The following CEP250 variants were observed in gnomAD, a reference collection of about 807,000 sequenced individuals.
The protein encoded by CEP250 is centrosome-associated protein CEP250.
A neutral mutation model predicts 315.7 loss-of-function variants in CEP250; 242 were observed. The ratio of observed to expected loss-of-function variants is 0.77; its 90% CI spans 0.69 to 0.85. The LOEUF is 0.85. Ranked by LOEUF, CEP250 falls within the 40% of genes least tolerant of loss-of-function variation. The pLI is 0.00. For missense variants in CEP250, 2,515 were observed against 2,886.4 expected, an observed-to-expected ratio of 0.87 and a Z score of 2.95; for synonymous variants, 1,088 against 1,175.0, an observed-to-expected ratio of 0.93 and a Z score of 1.51.
Position 35,477,979 on chromosome 20 carries a change from T to C in CEP250, c.1972T>C (p.Trp658Arg). The C allele has an allele frequency of 6.2e-7, 1 of 1,613,656 alleles. No homozygotes were observed. Among genetic ancestry groups the C allele is most frequent in the Non-Finnish European group, 8.5e-7 (1 of 1,179,880 alleles). The change falls in exon 17 of 35, where the codon TGG (tryptophan) becomes CGG (arginine). Residue 658 changes from tryptophan to arginine, a missense_variant. Coordinates refer to ENST00000397527, the MANE Select transcript of CEP250 (RefSeq NM_007186.6). Reference protein sequence around the residue: ...AEAEKRREALWEKNTHLEAQL... With the variant: ...AEAEKRREALREKNTHLEAQL... Reference sequence around the variant, plus strand: ...GGCAGAGAAGAGGAGGGAAGCCCTGTGGGAAAAGAACACTCACCTGGAGGC... The same window carrying C: ...GGCAGAGAAGAGGAGGGAAGCCCTGCGGGAAAAGAACACTCACCTGGAGGC...
chr20:35,490,717 G>T lies in CEP250; in HGVS notation c.2667G>T (p.Met889Ile), dbSNP rs1187420856. The T allele has an allele frequency of 6.2e-7, 1 of 1,613,916 alleles. No homozygotes were observed. The highest frequency in any genetic ancestry group is 8.5e-7 in the Non-Finnish European group (1 of 1,180,004). ...SLEREKMELE[M>I]RLKEQQTEME... Reference sequence around the variant, plus strand: ...AAAGGGAAAAAATGGAGCTGGAAATGAGGCTAAAGGAGCAGCAGACAGAAA... The same window carrying T: ...AAAGGGAAAAAATGGAGCTGGAAATTAGGCTAAAGGAGCAGCAGACAGAAA... Residue 889 changes from methionine (M) to isoleucine (I), a missense_variant, in exon 21 of 35, where the codon ATG becomes ATT. By Grantham distance (10) the Met-to-Ile change is conservative. Coordinates refer to ENST00000397527, the MANE Select transcript of CEP250 (RefSeq NM_007186.6).
intron 9 of CEP250, among the ~76,000 whole-genome samples, chr20:35,468,872 TCA>T (rs2062956611): frequency 6.6e-6 from 1 of 151,322 alleles, no homozygotes; most frequent in Non-Finnish European, 1.5e-5. Context: ...AGACGGGGTC[TCA>T]CTATGTTTCC....
intron 20 of CEP250, among the ~76,000 whole-genome samples, chr20:35,487,993 G>A (rs1361417886): frequency 1.3e-5 from 2 of 152,148 alleles, no homozygotes; most frequent in Non-Finnish European, 2.9e-5. Flanking sequence ...CCTATTACCA[G>A]GAACAAATGA....
At position 35,504,750 on chromosome 20, in the gene CEP250, C is replaced by T. The variant is rs2064134763; in HGVS notation, c.6381C>T (p.His2127=). The T allele has an allele frequency of 5.6e-6, 9 of 1,614,224 alleles. No individual in the cohort carries two copies. Among genetic ancestry groups the T allele is most frequent in the Non-Finnish European group, 7.6e-6 (9 of 1,180,046 alleles). The change falls in exon 30 of 35, where the codon CAC becomes CAT. Residue 2127 remains histidine (H), a synonymous_variant. Transcript: ENST00000397527. ...GGAACAACCTGGAAGCCTTACCCCA[C>T]AGCCACAAAACCTCCCCAATGGAGG... is the stretch of plus-strand genomic sequence containing the variant. ...QQRNNLEALP[H]SHKTSPMEEQ...
At chr20:35,467,189 G>T (rs1207121915) in intron 8 of CEP250, 115 bp from the exon 9 acceptor site, 1 of 1,358,634 alleles carries the variant, frequency 7.4e-7, no homozygotes, top group Non-Finnish European at 1.0e-6. Context: ...GGAGTTGGTA[G>T]TATTGGAAGC....
chr20:35,463,364 C>G (rs1340098456), intron 4 of CEP250, among the ~76,000 whole-genome samples: 1 of 152,248 alleles, frequency 6.6e-6, no homozygotes, highest in East Asian at 1.9e-4. Context: ...GATTGTGCCA[C>G]TGCACTCCAG....
Position 35,477,977 on chromosome 20 carries a change from T to G in CEP250, c.1970T>G (p.Leu657Arg). Residue 657 changes from leucine to arginine, a missense_variant, in exon 17 of 35, where the codon CTG (leucine) becomes CGG (arginine). By Grantham distance (102) the Leu-to-Arg change is moderately radical. Coordinates refer to ENST00000397527, the MANE Select transcript of CEP250 (RefSeq NM_007186.6). ...LAEAEKRREA[L>R]WEKNTHLEAQ... ...GAGGCAGAGAAGAGGAGGGAAGCCC[T>G]GTGGGAAAAGAACACTCACCTGGAG... The G allele has an allele frequency of 6.2e-7, 1 of 1,613,686 alleles. No homozygotes were observed. Among genetic ancestry groups the G allele is most frequent in the Non-Finnish European group, 8.5e-7 (1 of 1,179,866 alleles).
chr20:35,508,989 C>A lies in CEP250; in HGVS notation c.6953C>A (p.Ala2318Asp). 1 of 1,558,834 alleles carries A rather than the reference C, an allele frequency of 6.4e-7. No homozygotes were observed. The highest frequency in any genetic ancestry group is 8.7e-7 in the Non-Finnish European group (1 of 1,150,498). Residue 2318 changes from alanine (A) to aspartate (D), a missense_variant, in exon 33 of 35, where the codon GCC (alanine) becomes GAC (aspartate). Ala to Asp is a moderately radical substitution (Grantham distance 126, BLOSUM62 -2). Transcript: ENST00000397527. ...RKLKREAMRA[A>D]QAGSLEISKA... ...CTGAAGAGGGAGGCCATGCGTGCGG[C>A]CCAGGCAGGGTCCCTAGAGATCAGC...
rs1051368894 is a variant in CEP250, at chr20:35,500,127, G to C, written c.3856G>C (p.Glu1286Gln). The change falls in exon 28 of 35, where the codon GAG (glutamate) becomes CAG (glutamine). Residue 1286 changes from glutamate to glutamine, a missense_variant. Glu to Gln is a conservative substitution (Grantham distance 29). Transcript: ENST00000397527. ...GGCTGAGAAGAGCCAGGTCCACACA[G>C]AGTTGCAGGATCTGCAGAGACAGCT... The part of the protein sequence containing the change: ...TEAEKSQVHT[E>Q]LQDLQRQLSQ... 2 of 1,614,016 alleles carry C rather than the reference G, an allele frequency of 1.2e-6. No individual in the cohort carries two copies. Among genetic ancestry groups the C allele is most frequent in the Non-Finnish European group, 1.7e-6 (2 of 1,180,004 alleles).
chr20:35,511,187 A>C (rs774978296), intron 34 of CEP250, among the ~76,000 whole-genome samples, 176 bp from the exon 35 acceptor site: 2 of 152,164 alleles, frequency 1.3e-5, no homozygotes, highest in Non-Finnish European at 2.9e-5. Flanking sequence ...GGATTCTAGA[A>C]TTCCTAAGGG....
At position 35,504,926 on chromosome 20, in the gene CEP250, G is replaced by T. The variant is rs765250342; in HGVS notation, c.6557G>T (p.Ser2186Ile). 8.7e-6 allele frequency: 14 copies of T among 1,614,200 alleles called. No individual in the cohort carries two copies. The highest frequency in any genetic ancestry group is 1.2e-5 in the Non-Finnish European group (14 of 1,180,038). The change falls in exon 30 of 35, where the codon AGT (serine) becomes ATT (isoleucine). Residue 2186 changes from serine (S) to isoleucine (I), a missense_variant. By Grantham distance (142) the Ser-to-Ile change is moderately radical. Coordinates refer to ENST00000397527, the MANE Select transcript of CEP250 (RefSeq NM_007186.6). The stretch of plus-strand genomic sequence containing the variant: ...CTCTCCCTAGCGCAGACCAAGGCCA[G>T]TGTCAGCAGTCTGCAGGAGGTAGCC... ...LALSLAQTKA[S>I]VSSLQEVAMF...
chr20:35,476,391 GT>G, intron 15 of CEP250, 57 bp from the exon 16 acceptor site: 1 of 1,542,108 alleles, frequency 6.5e-7, no homozygotes, highest in East Asian at 2.3e-5. Flanking sequence ...AATGTGAACT[GT>G]TTACTGTTCC....
chr20:35,474,788 T>C (rs1194906794), intron 14 of CEP250: 2 of 470,980 alleles, frequency 4.2e-6, no homozygotes, highest in South Asian at 1.5e-5. Context: ...AATATTTACC[T>C]TGAAGGGTTG....
At chr20:35,502,328 G>A (rs1396116379) in intron 29 of CEP250, 62 bp from the exon 30 acceptor site, 26 of 1,360,730 alleles carry the variant, frequency 1.9e-5, no homozygotes, top group African/African-American at 1.5e-5. Flanking sequence ...GAGAAGGGTC[G>A]GTGTTGGGGT....
In CEP250 at chr20:35,470,071, G is replaced by C. The variant is rs75980816; in HGVS notation, c.948+85G>C. On this transcript the variant is annotated intron_variant, in intron 10 of 34. Transcript: ENST00000397527. ...TATGGACAGATAGTGCAGGATACCA[G>C]TTACATATTCCATGATGAAATCCTC... 1,877 of 845,418 alleles carry C rather than the reference G, an allele frequency of 2.2e-3. 35 individuals are homozygous for C. The African/African-American group carries it at 0.028, about 13-fold the overall frequency. 52.4% of individuals were successfully genotyped at this position (845,418 alleles called of 1,614,324 possible).
In CEP250 at chr20:35,511,705, G is replaced by A; in HGVS notation, c.*79G>A. On this transcript the variant is annotated 3_prime_UTR_variant, in exon 35 of 35. Transcript: ENST00000397527. Reference sequence around the variant, plus strand: ...TCCGCACACCTACAGGTTTGCCAAAGGAAAAGCCTGGCTCTGTTAGGCACC... The same window carrying A: ...TCCGCACACCTACAGGTTTGCCAAAAGAAAAGCCTGGCTCTGTTAGGCACC... 1 of 1,496,432 alleles carries A rather than the reference G, an allele frequency of 6.7e-7. No individual in the cohort carries two copies. The highest frequency in any genetic ancestry group is 8.9e-7 in the Non-Finnish European group (1 of 1,123,848). The allele number at this position is 1,496,432 out of a possible 1,614,324, so 92.7% of individuals were successfully genotyped here.
chr20:35,516,898 C>A lies in CEP250; in HGVS notation c.*5272C>A, dbSNP rs2064441031. 2.5e-6 allele frequency: 2 copies of A among 794,458 alleles called. No homozygotes were observed. The highest frequency in any genetic ancestry group is 3.1e-6 in the Non-Finnish European group (2 of 655,738). The allele number at this position is 794,458 out of a possible 1,614,324, so 49.2% of individuals were successfully genotyped here. A position where few individuals can be genotyped will look rare whatever the true frequency, so the allele number is the denominator to read the frequency against. ...GTGTTATCCATTCATTCAGGTTAGA[C>A]CTCTGAGCAGACGGCAGAAACGTCA... On this transcript the variant is annotated 3_prime_UTR_variant, in exon 35 of 35. Coordinates refer to ENST00000397527, the MANE Select transcript of CEP250 (RefSeq NM_007186.6).
chr20:35,498,616 T>G lies in CEP250; in HGVS notation c.3677T>G (p.Leu1226Arg), dbSNP rs749577510. 6 of 1,602,574 alleles carry G rather than the reference T, an allele frequency of 3.7e-6. No individual in the cohort carries two copies. In the South Asian group the frequency reaches 6.7e-5, roughly 18 times the overall value. Reference protein sequence around the residue: ...LEPDQNGARSLFKRGPLLTAL... With the variant: ...LEPDQNGARSRFKRGPLLTAL... ...TCAGACCAGAATGGAGCTAGGAGCC[T>G]CTTTAAGAGAGGGCCCCTGCTGACT... Residue 1226 changes from leucine to arginine, a missense_variant, in exon 27 of 35, where the codon CTC becomes CGC. Transcript: ENST00000397527.
intron 21 of CEP250, 151 bp from the exon 22 acceptor site, chr20:35,491,061 G>A: frequency 1.0e-6 from 1 of 978,694 alleles, no homozygotes; most frequent in East Asian, 2.6e-5. Flanking sequence ...GCACTTCCTT[G>A]TTCTGAACCC....
Sources: gnomAD v4.1 joint callset for allele counts (sites outside exome capture counted in the v4.1 genomes callset) on GRCh38, gnomAD v4.1.1 for gene constraint, MANE v1.5 for transcripts, NCBI Gene and HGNC (gene_info 2026-07-23, HGNC 2026-07-21) for gene names.